Variants in MYCN observed in about 807,000 individuals in gnomAD.
MYCN encodes the protein MYCN proto-oncogene, bHLH transcription factor, also known as N-myc proto-oncogene protein.
In MYCN, 3 loss-of-function variants were observed where a neutral mutation model predicts 28.1. That is an observed-to-expected ratio of 0.11 (90% CI 0.05 to 0.28). The LOEUF is 0.28. MYCN is among the 10% of genes least tolerant of loss of function. The pLI is 1.00. For synonymous variants in MYCN, 326 were observed against 288.3 expected (o/e 1.13, Z -1.32); for missense variants, 572 against 651.4 (o/e 0.88, Z 1.33).
At position 15,945,490 on chromosome 2, in the gene MYCN, C is replaced by CAGATGATGA; in HGVS notation, c.801_809dup. Reference sequence around the variant, plus strand: ...ATGAGAGTAACTAGCATCTTTCTCTCAGATGATGAAGATGATGAAGAGGAA... The same window carrying CAGATGATGA: ...ATGAGAGTAACTAGCATCTTTCTCTCAGATGATGAAGATGATGAAGATGATGAAGAGGAA... On this transcript the variant is annotated splice_polypyrimidine_tract_variant and splice_region_variant and intron_variant, in intron 2 of 2. Transcript: ENST00000281043. This position sits in a 1 kb window ranked among gnomAD's most constrained non-coding sequence, Gnocchi z 4.8. The CAGATGATGA allele has an allele frequency of 1.2e-6, 2 of 1,600,900 alleles. No individual in the cohort carries two copies. Among genetic ancestry groups the CAGATGATGA allele is most frequent in the Non-Finnish European group, 1.7e-6 (2 of 1,173,108 alleles).
At position 15,941,964 on chromosome 2, in the gene MYCN, C is replaced by A; in HGVS notation, c.-101C>A. ...CGGTTGCAGTGTTGGAGGTCGGCGC[C>A]GGCCCCCGCCTTCCGCGCCCCCCAC... On this transcript the variant is annotated 5_prime_UTR_variant, in exon 2 of 3. Transcript: ENST00000281043. This position sits in a 1 kb window ranked among gnomAD's most constrained non-coding sequence, Gnocchi z 4.8. The A allele has an allele frequency of 6.8e-7, 1 of 1,475,098 alleles. No homozygotes were observed. Among genetic ancestry groups the A allele is most frequent in the Non-Finnish European group, 9.3e-7 (1 of 1,080,036 alleles). The allele number at this position is 1,475,098 out of a possible 1,614,324, so 91.4% of individuals were successfully genotyped here. A position where few individuals can be genotyped will look rare whatever the true frequency, so the allele number is the denominator to read the frequency against.
rs1662876559 is a variant in MYCN, at chr2:15,946,448, C to A, written c.*351C>A. On this transcript the variant is annotated 3_prime_UTR_variant, in exon 3 of 3. Transcript: ENST00000281043. ...TTTTAAAATGGTGCTTAAGTTCCAG[C>A]AGATGCCACATAAGGGGTTTGCCAT... 3 of 427,260 alleles carry A rather than the reference C, an allele frequency of 7.0e-6. No individual in the cohort carries two copies. The highest frequency in any genetic ancestry group is 2.0e-5 in the African/African-American group (1 of 50,952). The allele number at this position is 427,260 out of a possible 1,614,324, so 26.5% of individuals were successfully genotyped here.
intron 2 of MYCN, among the ~76,000 whole-genome samples, chr2:15,943,593 ACAG>A (rs1662779302): frequency 6.6e-6 from 1 of 152,176 alleles, no homozygotes; most frequent in African/African-American, 2.4e-5. Flanking sequence ...TGCAAGTGCA[ACAG>A]CAGTTGTGTA....
intron 1 of MYCN, chr2:15,940,976 G>T (rs902222273): frequency 2.6e-5 from 10 of 389,942 alleles, no homozygotes; most frequent in African/African-American, 1.4e-4. Context: ...GCCCTTACCG[G>T]GGGGAGTAAT....
Position 15,946,177 on chromosome 2 carries a change from GA to G in MYCN, c.*82del. The G allele has an allele frequency of 6.2e-7, 1 of 1,602,172 alleles. No individual in the cohort carries two copies. On this transcript the variant is annotated 3_prime_UTR_variant, in exon 3 of 3. Coordinates refer to ENST00000281043, the MANE Select transcript of MYCN (RefSeq NM_005378.6). ...TAAACAAACATTGTGTTGACATTAA[GA>G]ATGTTGGTTTACTTTCAAATCGGTC...
At chr2:15,943,315 G>C (rs868206227) in intron 2 of MYCN, among the ~76,000 whole-genome samples, 2 of 152,298 alleles carry the variant, frequency 1.3e-5, no homozygotes, top group African/African-American at 4.8e-5. Flanking sequence ...GAAGATTCAA[G>C]GGCTGTGCAA....
At position 15,940,593 on chromosome 2, in the gene MYCN, G is replaced by C; in HGVS notation, c.-268G>C. 1 of 400,386 alleles carries C rather than the reference G, an allele frequency of 2.5e-6. No homozygotes were observed. Among genetic ancestry groups the C allele is most frequent in the Non-Finnish European group, 4.4e-6 (1 of 226,264 alleles). 24.8% of individuals were successfully genotyped at this position (400,386 alleles called of 1,614,324 possible). ...GTCTGGACGCGCTGGGTGGATGCGG[G>C]GGGCTCCTGGGAACTGTGTTGGAGC... On this transcript the variant is annotated 5_prime_UTR_variant, in exon 1 of 3. Transcript: ENST00000281043.
Position 15,942,336 on chromosome 2 carries a change from C to G in MYCN, c.272C>G (p.Pro91Arg). The G allele has an allele frequency of 6.2e-7, 1 of 1,607,174 alleles. No homozygotes were observed. Among genetic ancestry groups the G allele is most frequent in the Non-Finnish European group, 8.5e-7 (1 of 1,177,686 alleles). ...MLLENELWGSPAEEDAFGLGG... is the reference protein window; with the variant it reads ...MLLENELWGSRAEEDAFGLGG... ...CTTGAGAACGAGCTGTGGGGCAGCC[C>G]GGCCGAGGAGGACGCGTTCGGCCTG... The change falls in exon 2 of 3, where the codon CCG becomes CGG. Residue 91 changes from proline to arginine, a missense_variant. Coordinates refer to ENST00000281043, the MANE Select transcript of MYCN (RefSeq NM_005378.6). The surrounding 1 kb of genome is among the most constrained non-coding windows in gnomAD (Gnocchi z 7.0).
At chr2:15,944,972 ATATGTATG>A (rs34039085) in intron 2 of MYCN, among the ~76,000 whole-genome samples, 2 of 151,244 alleles carry the variant, frequency 1.3e-5, no homozygotes, top group Non-Finnish European at 2.9e-5. Context: ...ACATATATGT[ATATGTATG>A]TATGTATGTA....
rs1216888899 is a variant in MYCN at position 15,942,938 on chromosome 2, G to T, written c.790+84G>T. 40 of 1,474,724 alleles carry T rather than the reference G, an allele frequency of 2.7e-5. No homozygotes were observed. The highest frequency in any genetic ancestry group is 3.5e-5 in the Non-Finnish European group (39 of 1,104,456). The allele number at this position is 1,474,724 out of a possible 1,614,324, so 91.4% of individuals were successfully genotyped here. A position where few individuals can be genotyped will look rare whatever the true frequency, so the allele number is the denominator to read the frequency against. Reference sequence around the variant, plus strand: ...CCCTTTGTTAGTGCTCGTATGTCTTGGCCTGGGGAGCATTTTGGAGGCAGT... The same window carrying T: ...CCCTTTGTTAGTGCTCGTATGTCTTTGCCTGGGGAGCATTTTGGAGGCAGT... On this transcript the variant is annotated intron_variant, in intron 2 of 2. Transcript: ENST00000281043. The surrounding 1 kb of genome is among the most constrained non-coding windows in gnomAD (Gnocchi z 7.0).
chr2:15,946,324 A>G lies in MYCN; in HGVS notation c.*227A>G. The G allele has an allele frequency of 5.0e-6, 3 of 603,086 alleles. No homozygotes were observed. The highest frequency in any genetic ancestry group is 8.8e-6 in the Non-Finnish European group (3 of 342,850). 37.4% of individuals were successfully genotyped at this position (603,086 alleles called of 1,614,324 possible). ...CTGCAGCCTCCTCCACCTCACCTCCATGACAGCGCTAAACGTTGGTGACGG... is the reference window on the plus strand; with the variant it reads ...CTGCAGCCTCCTCCACCTCACCTCCGTGACAGCGCTAAACGTTGGTGACGG... On this transcript the variant is annotated 3_prime_UTR_variant, in exon 3 of 3. Coordinates refer to ENST00000281043, the MANE Select transcript of MYCN (RefSeq NM_005378.6).
At position 15,945,430 on chromosome 2, in the gene MYCN, G is replaced by GAT; in HGVS notation, c.791-56_791-55dup. 4 of 1,529,410 alleles carry GAT rather than the reference G, an allele frequency of 2.6e-6. No homozygotes were observed. The highest frequency in any genetic ancestry group is 2.7e-6 in the Non-Finnish European group (3 of 1,127,030). The allele number at this position is 1,529,410 out of a possible 1,614,324, so 94.7% of individuals were successfully genotyped here. ...ACAGATAAGCATACATATTAACATG[G>GAT]ATATATATGTGAATTTCATTCAAAT... On this transcript the variant is annotated intron_variant, in intron 2 of 2. Coordinates refer to ENST00000281043, the MANE Select transcript of MYCN (RefSeq NM_005378.6). This position sits in a 1 kb window ranked among gnomAD's most constrained non-coding sequence, Gnocchi z 4.8.
chr2:15,945,775 C>T lies in MYCN; in HGVS notation c.1073C>T (p.Pro358Leu), dbSNP rs775092426. The T allele has an allele frequency of 2.9e-5, 46 of 1,613,986 alleles. No homozygotes were observed. The highest frequency in any genetic ancestry group is 2.2e-4 in the East Asian group (10 of 44,888). Reference protein sequence around the residue: ...KKIKSEASPRPLKSVIPPKAK... With the variant: ...KKIKSEASPRLLKSVIPPKAK... ...ATAAAGAGCGAGGCGTCCCCACGTCCGCTCAAGAGTGTCATCCCCCCAAAG... is the reference window on the plus strand; with the variant it reads ...ATAAAGAGCGAGGCGTCCCCACGTCTGCTCAAGAGTGTCATCCCCCCAAAG... Residue 358 changes from proline (P) to leucine (L), a missense_variant, in exon 3 of 3, where the codon CCG (proline) becomes CTG (leucine). Coordinates refer to ENST00000281043, the MANE Select transcript of MYCN (RefSeq NM_005378.6). The surrounding 1 kb of genome is among the most constrained non-coding windows in gnomAD (Gnocchi z 4.8).
At chr2:15,944,976 G>GTA (rs1435792229) in intron 2 of MYCN, among the ~76,000 whole-genome samples, 1 of 61,490 alleles carries the variant, frequency 1.6e-5, no homozygotes, top group African/African-American at 9.8e-5. Flanking sequence ...ATATGTATAT[G>GTA]TATGTATGTA....
chr2:15,946,181 G>A lies in MYCN; in HGVS notation c.*84G>A, dbSNP rs2103332523. ...CAAACATTGTGTTGACATTAAGAATGTTGGTTTACTTTCAAATCGGTCCCC... is the reference window on the plus strand; with the variant it reads ...CAAACATTGTGTTGACATTAAGAATATTGGTTTACTTTCAAATCGGTCCCC... On this transcript the variant is annotated 3_prime_UTR_variant, in exon 3 of 3. Transcript: ENST00000281043. The A allele has an allele frequency of 2.5e-6, 4 of 1,600,222 alleles. No individual in the cohort carries two copies. The highest frequency in any genetic ancestry group is 2.2e-5 in the East Asian group (1 of 44,780).
Position 15,945,609 on chromosome 2 carries a change from C to T in MYCN, c.907C>T (p.Pro303Ser), listed in dbSNP as rs2103330621. The T allele has an allele frequency of 3.1e-6, 5 of 1,614,100 alleles. No individual in the cohort carries two copies. Among genetic ancestry groups the T allele is most frequent in the East Asian group, 2.2e-5 (1 of 44,870 alleles). ...CACCACATTCACCATCACTGTGCGT[C>T]CCAAGAACGCAGCCCTGGGTCCCGG... ...AVTTFTITVR[P>S]KNAALGPGRA... The change falls in exon 3 of 3, where the codon CCC becomes TCC. Residue 303 changes from proline (P) to serine (S), a missense_variant. Physicochemically the swap from Pro to Ser is moderately conservative, Grantham distance 74. This residue lies in a region of MYCN where 499 missense variants were observed against 524.3 expected (regional missense o/e 0.95). Coordinates refer to ENST00000281043, the MANE Select transcript of MYCN (RefSeq NM_005378.6). This position sits in a 1 kb window ranked among gnomAD's most constrained non-coding sequence, Gnocchi z 4.8.
In MYCN at chr2:15,941,818, T is replaced by A; in HGVS notation, c.-117-130T>A. The A allele has an allele frequency of 1.7e-6, 1 of 592,716 alleles. No individual in the cohort carries two copies. Among genetic ancestry groups the A allele is most frequent in the Non-Finnish European group, 3.0e-6 (1 of 332,252 alleles). The allele number at this position is 592,716 out of a possible 1,614,324, so 36.7% of individuals were successfully genotyped here. A position where few individuals can be genotyped will look rare whatever the true frequency, so the allele number is the denominator to read the frequency against. On this transcript the variant is annotated intron_variant, in intron 1 of 2. Coordinates refer to ENST00000281043, the MANE Select transcript of MYCN (RefSeq NM_005378.6). The surrounding 1 kb of genome is among the most constrained non-coding windows in gnomAD (Gnocchi z 4.8). Reference sequence around the variant, plus strand: ...AGCGAGAGGCACAACTTCCTCCACCTTCGGGAGCAGTGGGCAGAGTGGGGG... The same window carrying A: ...AGCGAGAGGCACAACTTCCTCCACCATCGGGAGCAGTGGGCAGAGTGGGGG...
intron 2 of MYCN, among the ~76,000 whole-genome samples, chr2:15,943,407 T>TTC (rs1558534848): frequency 6.7e-6 from 1 of 150,374 alleles, no homozygotes; most frequent in Non-Finnish European, 1.5e-5. Flanking sequence ...CTTTTTCTTT[T>TTC]TTTTTTTTTT....
chr2:15,943,379 C>T (rs1300288772), intron 2 of MYCN, among the ~76,000 whole-genome samples: 2 of 149,632 alleles, frequency 1.3e-5, no homozygotes, highest in Non-Finnish European at 3.0e-5. Flanking sequence ...TGGCTAGAGC[C>T]GATTTTCTAT....
Sources: allele counts gnomAD v4.1 joint callset (sites outside exome capture counted in the v4.1 genomes callset), GRCh38; gene constraint gnomAD v4.1.1; regional missense constraint gnomAD v4.1.1; non-coding constraint Gnocchi (gnomAD v3.1); transcripts MANE v1.5; gene names NCBI Gene and HGNC (gene_info 2026-07-23, HGNC 2026-07-21).